The following KLF17 variants were observed in gnomAD, a reference collection of about 807,000 sequenced individuals.
KLF17 encodes the protein KLF transcription factor 17, also known as Krueppel-like factor 17.
A neutral mutation model predicts 34.2 loss-of-function variants in KLF17; 31 were observed. That is an observed-to-expected ratio of 0.91 (90% CI 0.68 to 1.22). The LOEUF is 1.22. KLF17 is among the 50% of genes most tolerant of loss of function. KLF17 has a pLI of 0.00. For missense variants in KLF17, 478 were observed against 505.2 expected, an observed-to-expected ratio of 0.95 and a Z score of 0.52; for synonymous variants, 179 against 186.7, an observed-to-expected ratio of 0.96 and a Z score of 0.34.
At chr1:44,051,217 G>A in the KLF17 span, 1 of 152,332 alleles carries the variant, frequency 6.6e-6, no homozygotes, top group Non-Finnish European at 1.5e-5. Flanking sequence ...TAGAGAAGCA[G>A]TCAGTGATGG....
intron 1 of KLF17, among the ~76,000 whole-genome samples, chr1:44,127,682 C>CTTTCTT (rs1557731975): frequency 4.0e-5 from 2 of 50,296 alleles, no homozygotes; most frequent in African/African-American, 1.4e-4. Flanking sequence ...TTCTTTCTTT[C>CTTTCTT]TTTCTTTCTT....
At chr1:44,099,586 A>C in the KLF17 span, among the ~76,000 whole-genome samples, 10 of 149,660 alleles carry the variant, frequency 6.7e-5, no homozygotes, top group Non-Finnish European at 8.9e-5. Flanking sequence ...AGGCGGGTGA[A>C]TCAGGATTCA....
the KLF17 span, among the ~76,000 whole-genome samples, chr1:44,099,879 AAGAAAGAAAGAAAG>A: frequency 1.3e-5 from 1 of 77,268 alleles, no homozygotes; most frequent in African/African-American, 4.1e-5. Flanking sequence ...GAAAGAAAGA[AAGAAAGAAAGAAAG>A]AAAGAAAGAA....
the KLF17 span, among the ~76,000 whole-genome samples, chr1:44,079,964 T>C: frequency 2.0e-5 from 3 of 151,950 alleles, no homozygotes; most frequent in East Asian, 5.8e-4. Context: ...AGTCTCACTC[T>C]GTCGCCCAGG....
chr1:44,103,800 C>T, the KLF17 span: 1 of 873,032 alleles, frequency 1.1e-6, no homozygotes, highest in Non-Finnish European at 1.9e-6. Context: ...AGCCCTCTGG[C>T]CTTTGAGGCA....
At chr1:44,091,134 G>A in the KLF17 span, among the ~76,000 whole-genome samples, 1 of 151,706 alleles carries the variant, frequency 6.6e-6, no homozygotes, top group African/African-American at 2.4e-5. Flanking sequence ...AGTATTTTAG[G>A]AATTAATTTA....
At chr1:44,088,818 G>A in the KLF17 span, among the ~76,000 whole-genome samples, 1 of 152,112 alleles carries the variant, frequency 6.6e-6, no homozygotes, top group African/African-American at 2.4e-5. Context: ...TAGAGCGTTA[G>A]GTGTGAGCTG....
rs72886007 is a variant in KLF17 at position 44,131,148 on chromosome 1, T to C, written c.*392T>C. 3.6e-3 allele frequency among the ~76,000 whole-genome samples: 554 copies of C among 152,294 alleles called. 6 individuals carry two copies. The highest frequency in any genetic ancestry group is 0.013 in the African/African-American group (532 of 41,572). ...CCTGCCTCTGACCAGTTCTTCTCTT[T>C]GGTGGGTGTAGGATTAGATGAAGAC... On this transcript the variant is annotated intron_variant, in intron 3 of 3. Coordinates refer to ENST00000372299, the MANE Select transcript of KLF17 (RefSeq NM_173484.4).
In KLF17 at chr1:44,130,036, C is replaced by T. The variant is rs7524274; in HGVS notation, c.765C>T (p.Pro255=). The change falls in exon 2 of 4, where the codon CCC becomes CCT. Residue 255 remains proline (P), a synonymous_variant. Coordinates refer to ENST00000372299, the MANE Select transcript of KLF17 (RefSeq NM_173484.4). ...SQEGPFLPEQ[P]GPAPQTVEKN... is the part of the protein sequence containing the mutation. ...AAGGCCCATTTCTACCAGAGCAGCC[C>T]GGACCTGCTCCACAGACAGTAGAGA... The T allele has an allele frequency of 1.0e-2, 16,090 of 1,614,076 alleles. 1,283 individuals carry two copies. The African/African-American group carries it at 0.18, about 18-fold the overall frequency.
At chr1:44,059,128 G>A in the KLF17 span, among the ~76,000 whole-genome samples, 2 of 152,116 alleles carry the variant, frequency 1.3e-5, no homozygotes, top group African/African-American at 4.8e-5. Flanking sequence ...AGCACAAAAG[G>A]AGGCCCCTGT....
the KLF17 span, among the ~76,000 whole-genome samples, chr1:44,091,635 C>CAAAAAAAAAAAAAA: frequency 3.8e-5 from 3 of 79,022 alleles, no homozygotes; most frequent in African/African-American, 4.8e-5. Context: ...GACTCCATCT[C>CAAAAAAAAAAAAAA]AAAAAAAAAA....
chr1:44,107,506 GAAAC>G, the KLF17 span, among the ~76,000 whole-genome samples: 1 of 152,198 alleles, frequency 6.6e-6, no homozygotes, highest in Non-Finnish European at 1.5e-5. Flanking sequence ...GAAAAATCCA[GAAAC>G]AAACAATTCA....
intron 1 of KLF17, among the ~76,000 whole-genome samples, chr1:44,119,918 A>C (rs2087927208): frequency 6.6e-6 from 1 of 152,198 alleles, no homozygotes; most frequent in African/African-American, 2.4e-5. Context: ...AACAGTTAGA[A>C]AGCTTTTGTG....
chr1:44,046,296 C>G, the KLF17 span: 1 of 151,440 alleles, frequency 6.6e-6, no homozygotes, highest in African/African-American at 2.4e-5. Context: ...CGGCTCACTG[C>G]AGCCTTGACC....
chr1:44,074,802 T>C, the KLF17 span: 1 of 152,198 alleles, frequency 6.6e-6, no homozygotes. Flanking sequence ...ATCTGACTTC[T>C]CAGAAGGCCC....
chr1:44,081,035 C>A, the KLF17 span, among the ~76,000 whole-genome samples: 2 of 151,684 alleles, frequency 1.3e-5, no homozygotes, highest in Non-Finnish European at 2.9e-5. Flanking sequence ...ATAATTTAAT[C>A]TTATATGTTA....
intron 1 of KLF17, among the ~76,000 whole-genome samples, chr1:44,127,713 T>TC (rs1557732103): frequency 5.5e-5 from 6 of 108,942 alleles, no homozygotes; most frequent in African/African-American, 3.0e-4. Flanking sequence ...TCTTTCTTTC[T>TC]TCTCTTTTCT....
At chr1:44,122,602 G>GT (rs200325694) in intron 1 of KLF17, 11,861 of 578,600 alleles carry the variant, frequency 0.02, 19 homozygotes, top group African/African-American at 0.037. Context: ...GCCGTTTTTG[G>GT]TTTTTTTTTT....
At chr1:44,065,640 T>C in the KLF17 span, among the ~76,000 whole-genome samples, 19,652 of 151,922 alleles carry the variant, frequency 0.13, 1,481 homozygotes, top group African/African-American at 0.21. Flanking sequence ...GAACTTGTGG[T>C]CTCAAGTGAT....
Sources: gnomAD v4.1 joint callset for allele counts (sites outside exome capture counted in the v4.1 genomes callset) on GRCh38, gnomAD v4.1.1 for gene constraint, MANE v1.5 for transcripts, NCBI Gene and HGNC (gene_info 2026-07-23, HGNC 2026-07-21) for gene names.